TSHZ2: variants seen among roughly 807,000 people sequenced by gnomAD.
The protein encoded by TSHZ2 is teashirt zinc finger homeobox 2, also known as teashirt homolog 2.
Under a neutral mutation model 74.4 loss-of-function variants are expected in TSHZ2, and 21 were observed. That is an observed-to-expected ratio of 0.28 (90% confidence interval 0.20 to 0.41). The LOEUF (loss-of-function observed/expected upper bound fraction) is 0.41. Among genes scored for constraint, TSHZ2 ranks in the 10% least tolerant of loss-of-function variants. TSHZ2 has a pLI of 1.00. For missense variants in TSHZ2, 1,244 were observed against 1,293.5 expected, an observed-to-expected ratio of 0.96 and a Z score of 0.59; for synonymous variants, 540 against 515.3, an observed-to-expected ratio of 1.05 and a Z score of -0.65.
chr20:53,071,727 T>G (rs1166814583), intron 1 of TSHZ2, among the ~76,000 whole-genome samples: 2 of 152,300 alleles, frequency 1.3e-5, no homozygotes, highest in East Asian at 3.9e-4. Context: ...TGGGTTTTAT[T>G]GCTTATCCAA....
chr20:53,036,998 A>G (rs941614530), intron 1 of TSHZ2, among the ~76,000 whole-genome samples: 1 of 152,046 alleles, frequency 6.6e-6, no homozygotes, highest in Non-Finnish European at 1.5e-5. Flanking sequence ...TTAAGTTGAT[A>G]GTATTGTATT....
At chr20:53,442,482 A>C (rs1984374543) in intron 2 of TSHZ2, among the ~76,000 whole-genome samples, 1 of 152,184 alleles carries the variant, frequency 6.6e-6, no homozygotes, top group African/African-American at 2.4e-5. Context: ...AGGTGCTGAT[A>C]AGCCAGTGCA....
intron 1 of TSHZ2, among the ~76,000 whole-genome samples, chr20:52,978,660 C>G (rs1981442037): frequency 6.6e-6 from 1 of 152,120 alleles, no homozygotes; most frequent in Non-Finnish European, 1.5e-5. Flanking sequence ...AGTGGTTTTT[C>G]ATTACATATT....
intron 2 of TSHZ2, among the ~76,000 whole-genome samples, chr20:53,457,281 G>C (rs1985135239): frequency 7.0e-6 from 1 of 142,296 alleles, no homozygotes; most frequent in Non-Finnish European, 1.5e-5. Flanking sequence ...CACATCCCTT[G>C]TAAGTTGGAT....
At chr20:53,416,501 A>G (rs1045722894) in intron 2 of TSHZ2, among the ~76,000 whole-genome samples, 1 of 152,216 alleles carries the variant, frequency 6.6e-6, no homozygotes, top group African/African-American at 2.4e-5. Context: ...GGGTATCAGC[A>G]TGCCAGGACC....
At chr20:53,119,879 G>A (rs73268579) in intron 1 of TSHZ2, among the ~76,000 whole-genome samples, 67 of 152,272 alleles carry the variant, frequency 4.4e-4, no homozygotes, top group East Asian at 4.1e-3. Flanking sequence ...TCTAGCTAAC[G>A]TGTATTTCCA....
At chr20:53,218,887 C>A (rs1482084921) in intron 1 of TSHZ2, among the ~76,000 whole-genome samples, 1 of 152,128 alleles carries the variant, frequency 6.6e-6, no homozygotes, top group African/African-American at 2.4e-5. Context: ...GTTTTCTACA[C>A]CATTTTGGAG....
intron 1 of TSHZ2, among the ~76,000 whole-genome samples, chr20:52,978,564 G>A (rs1039789047): frequency 3.9e-5 from 6 of 152,090 alleles, no homozygotes; most frequent in Non-Finnish European, 5.9e-5. Context: ...AGGCATACAC[G>A]GAGTATCATT....
chr20:53,266,078 C>T (rs1477195510), intron 2 of TSHZ2, among the ~76,000 whole-genome samples: 2 of 152,170 alleles, frequency 1.3e-5, no homozygotes, highest in Non-Finnish European at 2.9e-5. Context: ...GTTTTACCTG[C>T]AGTGGGATAA....
chr20:53,117,141 C>T (rs909502807), intron 1 of TSHZ2, among the ~76,000 whole-genome samples: 1 of 152,156 alleles, frequency 6.6e-6, no homozygotes, highest in African/African-American at 2.4e-5. Context: ...CTAAGTACTT[C>T]CCAAAGCCCC....
At chr20:53,106,712 T>C (rs971122953) in intron 1 of TSHZ2, among the ~76,000 whole-genome samples, 1 of 145,626 alleles carries the variant, frequency 6.9e-6, no homozygotes, top group Non-Finnish European at 1.5e-5. Flanking sequence ...TTTTTGTTTT[T>C]TTTTTGACAC....
intron 2 of TSHZ2, among the ~76,000 whole-genome samples, chr20:53,420,045 C>G (rs913836946): frequency 7.2e-5 from 11 of 152,228 alleles, no homozygotes; most frequent in African/African-American, 2.7e-4. Flanking sequence ...CACTAAATGT[C>G]CACTAAGTGC....
intron 2 of TSHZ2, among the ~76,000 whole-genome samples, chr20:53,283,337 A>T (rs1297294918): frequency 6.6e-6 from 1 of 152,184 alleles, no homozygotes; most frequent in Non-Finnish European, 1.5e-5. Flanking sequence ...AATGCTTACT[A>T]TGTCCGAGGC....
chr20:53,151,175 G>A (rs1351525288), intron 1 of TSHZ2, among the ~76,000 whole-genome samples: 1 of 152,172 alleles, frequency 6.6e-6, no homozygotes, highest in East Asian at 1.9e-4. Context: ...TGTGGTTAGA[G>A]TCATAAGAGA....
chr20:53,016,733 C>A (rs1239518925), intron 1 of TSHZ2, among the ~76,000 whole-genome samples: 2 of 152,114 alleles, frequency 1.3e-5, no homozygotes, highest in African/African-American at 4.8e-5. Flanking sequence ...TAACAAATAG[C>A]CCCTAAGTCA....
intron 2 of TSHZ2, among the ~76,000 whole-genome samples, chr20:53,394,590 G>A (rs567194666): frequency 3.9e-4 from 59 of 151,920 alleles, no homozygotes; most frequent in Non-Finnish European, 7.4e-4. Context: ...AGGTCAAAAG[G>A]CAATTGATTA....
At chr20:53,235,736 A>G (rs893325531) in intron 1 of TSHZ2, among the ~76,000 whole-genome samples, 14 of 152,228 alleles carry the variant, frequency 9.2e-5, no homozygotes, top group Admixed American at 6.5e-5. Context: ...TAGATTTACA[A>G]TCTTTATTTT....
At chr20:53,104,250 G>C (rs536618570) in intron 1 of TSHZ2, among the ~76,000 whole-genome samples, 1 of 151,758 alleles carries the variant, frequency 6.6e-6, no homozygotes, top group Non-Finnish European at 1.5e-5. Flanking sequence ...AGACTGGGGG[G>C]TGGGGGGAAG....
intron 1 of TSHZ2, among the ~76,000 whole-genome samples, chr20:53,017,881 A>T (rs1983098420): frequency 6.6e-6 from 1 of 152,184 alleles, no homozygotes; most frequent in Non-Finnish European, 1.5e-5. Flanking sequence ...TTCACAATAG[A>T]CTATGTAACT....
Sources: allele counts gnomAD v4.1 joint callset (sites outside exome capture counted in the v4.1 genomes callset), GRCh38; gene constraint gnomAD v4.1.1; transcripts MANE v1.5; gene names NCBI Gene and HGNC (gene_info 2026-07-23, HGNC 2026-07-21).